The following CDC14A variants were observed in gnomAD, a reference collection of about 807,000 sequenced individuals.
CDC14A encodes the protein dual specificity protein phosphatase CDC14A.
CDC14A carries 53 observed loss-of-function variants against 74.4 expected under a neutral mutation model. The ratio of observed to expected loss-of-function variants is 0.71; its 90% CI spans 0.57 to 0.89. The LOEUF (loss-of-function observed/expected upper bound fraction) is 0.89, where lower values mean the gene tolerates loss of function less well. CDC14A is among the 40% of genes least tolerant of loss of function. CDC14A has a pLI of 0.00. For missense variants in CDC14A, 646 were observed against 713.7 expected (o/e 0.91, Z 1.08); for synonymous variants, 247 against 258.4 (o/e 0.96, Z 0.43).
chr1:100,347,231 A>G (rs954108164), intron 1 of CDC14A, among the ~76,000 whole-genome samples: 2 of 152,230 alleles, frequency 1.3e-5, no homozygotes, highest in African/African-American at 2.4e-5. Context: ...TCCACCAGCT[A>G]TGTGAGTTTG....
At chr1:100,473,201 A>G (rs1668554417) in intron 10 of CDC14A, among the ~76,000 whole-genome samples, 2 of 151,980 alleles carry the variant, frequency 1.3e-5, no homozygotes, top group African/African-American at 4.8e-5. Flanking sequence ...CATAAACATG[A>G]TATGTCTTTT....
intron 7 of CDC14A, among the ~76,000 whole-genome samples, chr1:100,452,406 G>A (rs1666235532): frequency 6.6e-6 from 1 of 152,104 alleles, no homozygotes; most frequent in Non-Finnish European, 1.5e-5. Context: ...CAGCTACTTG[G>A]GAGGCTAAAG....
At chr1:100,504,567 G>A (rs1185821576) in intron 15 of CDC14A, among the ~76,000 whole-genome samples, 1 of 152,158 alleles carries the variant, frequency 6.6e-6, no homozygotes, top group African/African-American at 2.4e-5. Flanking sequence ...ACAAAAATAG[G>A]TGGTGGGTTG....
chr1:100,464,921 CTTTTCTT>C (rs1667643221), intron 9 of CDC14A, among the ~76,000 whole-genome samples: 1 of 146,108 alleles, frequency 6.8e-6, no homozygotes. Context: ...CTTTTCTTTT[CTTTTCTT>C]TTTTTTTTTT....
intron 2 of CDC14A, among the ~76,000 whole-genome samples, chr1:100,367,288 C>A (rs1164859426): frequency 6.6e-6 from 1 of 152,090 alleles, no homozygotes; most frequent in African/African-American, 2.4e-5. Context: ...CATTGATTAT[C>A]AATTAATTTT....
At chr1:100,422,280 G>A (rs572170266) in intron 4 of CDC14A, among the ~76,000 whole-genome samples, 15 of 152,298 alleles carry the variant, frequency 9.8e-5, no homozygotes, top group African/African-American at 3.4e-4. Flanking sequence ...CTTGCAGAAT[G>A]ACTCCCTCCA....
chr1:100,441,656 T>G (rs1403738700), intron 6 of CDC14A, among the ~76,000 whole-genome samples: 1 of 152,164 alleles, frequency 6.6e-6, no homozygotes, highest in African/African-American at 2.4e-5. Context: ...CTCAGTTTTT[T>G]TTTTTTTTTT....
At position 100,406,021 on chromosome 1, in the gene CDC14A, C is replaced by T. The variant is rs184221581; in HGVS notation, c.309+15197C>T. ...GAGTGTAAACATGTCCATTTTTCTC[C>T]GCAGTCTCACCAGCATCTGTTGTTT... On this transcript the variant is annotated intron_variant, in intron 4 of 15. Transcript: ENST00000336454. Among the ~76,000 whole-genome samples, 30 of 152,256 alleles carry T rather than the reference C, an allele frequency of 2.0e-4. No individual in the cohort carries two copies. The East Asian group carries it at 5.0e-3, about 25-fold the overall frequency.
chr1:100,483,419 A>G (rs779584562), intron 10 of CDC14A, among the ~76,000 whole-genome samples: 3 of 152,176 alleles, frequency 2.0e-5, no homozygotes, highest in Non-Finnish European at 4.4e-5. Context: ...TTTAAAAAAT[A>G]TCTATGTTCT....
chr1:100,391,162 TATG>T, intron 4 of CDC14A: 1 of 301,172 alleles, frequency 3.3e-6, no homozygotes, highest in Non-Finnish European at 6.4e-6. Flanking sequence ...ATGCATGAAA[TATG>T]ATATTATGGA....
chr1:100,442,627 A>C (rs571046637), intron 6 of CDC14A, among the ~76,000 whole-genome samples: 4 of 151,950 alleles, frequency 2.6e-5, no homozygotes, highest in Admixed American at 6.6e-5. Context: ...GGTTCTAACT[A>C]TAAATTTGTT....
At chr1:100,496,572 A>G (rs1037768289) in intron 13 of CDC14A, among the ~76,000 whole-genome samples, 2 of 152,164 alleles carry the variant, frequency 1.3e-5, no homozygotes, top group South Asian at 2.1e-4. Flanking sequence ...ACTCAGTGAG[A>G]GCAGCAGAGA....
chr1:100,416,253 C>G (rs890880869), intron 4 of CDC14A, among the ~76,000 whole-genome samples: 1 of 152,108 alleles, frequency 6.6e-6, no homozygotes, highest in Non-Finnish European at 1.5e-5. Context: ...TTCCTAAAAA[C>G]AAATCCAACT....
At chr1:100,471,742 A>G (rs1228899981) in intron 10 of CDC14A, among the ~76,000 whole-genome samples, 4 of 152,144 alleles carry the variant, frequency 2.6e-5, no homozygotes, top group African/African-American at 7.2e-5. Flanking sequence ...GAGCAACAGG[A>G]AAAGGTCTTT....
At chr1:100,394,249 G>A (rs879673329) in intron 4 of CDC14A, among the ~76,000 whole-genome samples, 2 of 152,076 alleles carry the variant, frequency 1.3e-5, no homozygotes, top group African/African-American at 4.8e-5. Flanking sequence ...CCTAGAAGGT[G>A]GGACTGCAGG....
At chr1:100,464,513 G>T (rs1363949144) in intron 9 of CDC14A, among the ~76,000 whole-genome samples, 1 of 152,198 alleles carries the variant, frequency 6.6e-6, no homozygotes, top group African/African-American at 2.4e-5. Context: ...AACAGCAATA[G>T]AACTTGAGAG....
intron 6 of CDC14A, among the ~76,000 whole-genome samples, chr1:100,442,238 T>C (rs1665015295): frequency 6.7e-6 from 1 of 148,894 alleles, no homozygotes; most frequent in African/African-American, 2.4e-5. Context: ...TCTCCCAAGG[T>C]AGAGTTTTAG....
chr1:100,403,792 C>T (rs1465241333), intron 4 of CDC14A, among the ~76,000 whole-genome samples: 1 of 152,196 alleles, frequency 6.6e-6, no homozygotes, highest in East Asian at 1.9e-4. Context: ...AAGCCTGTAG[C>T]TAGGTCAACG....
chr1:100,438,713 T>G (rs28361226), intron 5 of CDC14A, among the ~76,000 whole-genome samples: 1 of 152,270 alleles, frequency 6.6e-6, no homozygotes, highest in African/African-American at 2.4e-5. Flanking sequence ...TAGTTTTATG[T>G]TAGGCTTTCG....
Sources: gnomAD v4.1 joint callset for allele counts (sites outside exome capture counted in the v4.1 genomes callset) on GRCh38, gnomAD v4.1.1 for gene constraint, MANE v1.5 for transcripts, NCBI Gene and HGNC (gene_info 2026-07-23, HGNC 2026-07-21) for gene names.